Variants in GRIN2A observed in about 807,000 individuals in gnomAD.
GRIN2A encodes glutamate receptor ionotropic, NMDA 2A.
Under a neutral mutation model 113.4 loss-of-function variants are expected in GRIN2A, and 22 were observed. The ratio of observed to expected loss-of-function variants is 0.19; its 90% CI spans 0.14 to 0.28. The LOEUF is 0.28. Among genes scored for constraint, GRIN2A ranks in the 10% least tolerant of loss-of-function variants. GRIN2A has a pLI of 1.00. For synonymous variants in GRIN2A, 827 were observed against 738.4 expected (o/e 1.12, Z -1.94); for missense variants, 1,502 against 1,887.0 (o/e 0.80, Z 3.78).
chr16:9,953,074 A>T (rs2045220985), intron 2 of GRIN2A, among the ~76,000 whole-genome samples: 1 of 152,182 alleles, frequency 6.6e-6, no homozygotes. Context: ...GGAGGGAATG[A>T]ATGAAGGCAG....
rs138690649 is a variant in GRIN2A, at chr16:9,887,543, T to C, written c.1122+3443A>G. ...CATATTACTAGGCCATTCTGTTTTA[T>C]TAATATACCATAATTTGTTCATTCA... is the stretch of plus-strand genomic sequence containing the variant. On this transcript the variant is annotated intron_variant, in intron 4 of 12. Coordinates refer to ENST00000330684, the MANE Select transcript of GRIN2A (RefSeq NM_001134407.3). 2.0e-3 allele frequency among the ~76,000 whole-genome samples: 308 copies of C among 152,370 alleles called. 1 individual carries two copies. The highest frequency in any genetic ancestry group is 3.5e-3 in the Non-Finnish European group (240 of 68,028).
At position 9,761,864 on chromosome 16, in the gene GRIN2A, C is replaced by T. The variant is rs1380683758; in HGVS notation, c.*1285G>A. 4.9e-6 allele frequency: 1 copy of T among 205,540 alleles called. No individual in the cohort carries two copies. The highest frequency in any genetic ancestry group is 6.0e-5 in the Admixed American group (1 of 16,760). 12.7% of individuals were successfully genotyped at this position (205,540 alleles called of 1,614,324 possible). ...GTGCTATGAAGTGGTTTGCCACCAA[C>T]AGAGAGAATAACTCAGAAGGGAGAA... On this transcript the variant is annotated 3_prime_UTR_variant, in exon 13 of 13. Coordinates refer to ENST00000330684, the MANE Select transcript of GRIN2A (RefSeq NM_001134407.3).
At chr16:9,888,185 C>T (rs939413886) in intron 4 of GRIN2A, among the ~76,000 whole-genome samples, 1 of 152,080 alleles carries the variant, frequency 6.6e-6, no homozygotes, top group Non-Finnish European at 1.5e-5. Flanking sequence ...AGGTGGTCCA[C>T]CTGCCTTGGC....
At chr16:9,776,672 G>T (rs778150466) in intron 11 of GRIN2A, among the ~76,000 whole-genome samples, 2 of 152,062 alleles carry the variant, frequency 1.3e-5, no homozygotes, top group Non-Finnish European at 2.9e-5. Context: ...GCTGAAAGAC[G>T]TCAGAAGGTT....
intron 2 of GRIN2A, among the ~76,000 whole-genome samples, chr16:10,095,011 G>T (rs1441024176): frequency 1.3e-5 from 2 of 151,864 alleles, no homozygotes; most frequent in East Asian, 3.9e-4. Context: ...GGTAACTAAG[G>T]TTAAATGAGG....
At chr16:9,829,756 G>T in intron 8 of GRIN2A, 104 bp from the exon 9 acceptor site, 3 of 762,558 alleles carry the variant, frequency 3.9e-6, no homozygotes, top group South Asian at 1.5e-5. Context: ...GTTGCCAGAA[G>T]ATGGAATTAT....
At chr16:10,048,950 T>C (rs1392230910) in intron 2 of GRIN2A, among the ~76,000 whole-genome samples, 1 of 152,226 alleles carries the variant, frequency 6.6e-6, no homozygotes, top group Admixed American at 6.5e-5. Context: ...GGGAGAGATC[T>C]CTCTGGCCCC....
intron 9 of GRIN2A, among the ~76,000 whole-genome samples, chr16:9,828,992 G>A (rs2141310808): frequency 6.6e-6 from 1 of 152,270 alleles, no homozygotes; most frequent in East Asian, 1.9e-4. Flanking sequence ...GCTTAAAGAT[G>A]ACTTTTTTTC....
intron 2 of GRIN2A, among the ~76,000 whole-genome samples, chr16:10,161,062 T>C (rs194357): frequency 0.98 from 149,072 of 152,352 alleles, 73,003 homozygotes; most frequent in East Asian, 1. Flanking sequence ...TGTCCCCACA[T>C]AAATCTCATC....
At position 9,762,334 on chromosome 16, in the gene GRIN2A, C is replaced by A. The variant is rs1266556633; in HGVS notation, c.*815G>T. On this transcript the variant is annotated 3_prime_UTR_variant, in exon 13 of 13. Coordinates refer to ENST00000330684, the MANE Select transcript of GRIN2A (RefSeq NM_001134407.3). ...GGCCACTGTGTCACAGACAGAAGAT[C>A]CACACTTAGATCTCGGAGACATAAA... is the stretch of plus-strand genomic sequence containing the variant. 5 of 226,818 alleles carry A rather than the reference C, an allele frequency of 2.2e-5. No individual in the cohort carries two copies. The highest frequency in any genetic ancestry group is 4.4e-5 in the Non-Finnish European group (5 of 113,802). 14.1% of individuals were successfully genotyped at this position (226,818 alleles called of 1,614,324 possible). A position where few individuals can be genotyped will look rare whatever the true frequency, so the allele number is the denominator to read the frequency against.
At chr16:10,034,984 A>G (rs1942741767) in intron 2 of GRIN2A, among the ~76,000 whole-genome samples, 1 of 152,174 alleles carries the variant, frequency 6.6e-6, no homozygotes, top group Non-Finnish European at 1.5e-5. Context: ...CCTGGCTCAC[A>G]AATCCTTTAC....
intron 2 of GRIN2A, among the ~76,000 whole-genome samples, chr16:10,170,888 A>G (rs1460612526): frequency 6.6e-6 from 1 of 152,028 alleles, no homozygotes; most frequent in African/African-American, 2.4e-5. Context: ...TTTAAAAAAA[A>G]AAAAAAAAAA....
intron 2 of GRIN2A, among the ~76,000 whole-genome samples, chr16:10,175,507 G>C (rs993408790): frequency 6.6e-6 from 1 of 152,210 alleles, no homozygotes; most frequent in Non-Finnish European, 1.5e-5. Flanking sequence ...GATTTGGAGA[G>C]AGATTTTTAT....
chr16:9,988,240 T>A (rs992966673), intron 2 of GRIN2A, among the ~76,000 whole-genome samples: 1 of 151,430 alleles, frequency 6.6e-6, no homozygotes, highest in Non-Finnish European at 1.5e-5. Flanking sequence ...GTGTCTCTCC[T>A]GAACACTGAA....
intron 10 of GRIN2A, among the ~76,000 whole-genome samples, chr16:9,810,344 C>T (rs929071766): frequency 3.9e-5 from 6 of 152,140 alleles, no homozygotes; most frequent in Non-Finnish European, 8.8e-5. Flanking sequence ...GCACTGATGT[C>T]GGATACCTAT....
chr16:10,046,785 G>C (rs1034839995), intron 2 of GRIN2A, among the ~76,000 whole-genome samples: 12 of 152,144 alleles, frequency 7.9e-5, no homozygotes, highest in African/African-American at 1.9e-4. Flanking sequence ...AGTGCTTTGT[G>C]GGTATCATTA....
At chr16:10,102,935 T>C (rs186414143) in intron 2 of GRIN2A, among the ~76,000 whole-genome samples, 10 of 152,306 alleles carry the variant, frequency 6.6e-5, no homozygotes, top group Admixed American at 5.9e-4. Context: ...CTCACAGACA[T>C]GGAGTGGATG....
intron 2 of GRIN2A, among the ~76,000 whole-genome samples, chr16:10,149,505 A>G (rs1399312438): frequency 2.0e-5 from 3 of 152,230 alleles, no homozygotes; most frequent in African/African-American, 7.2e-5. Context: ...CAAATTTTAA[A>G]GTTGATTAAA....
At chr16:9,865,909 G>A (rs563155320) in intron 4 of GRIN2A, among the ~76,000 whole-genome samples, 17 of 152,284 alleles carry the variant, frequency 1.1e-4, no homozygotes, top group African/African-American at 4.1e-4. Context: ...ATTTGAATGT[G>A]AGTGTCCCTA....
Sources: allele counts gnomAD v4.1 joint callset (sites outside exome capture counted in the v4.1 genomes callset), GRCh38; gene constraint gnomAD v4.1.1; transcripts MANE v1.5; gene names NCBI Gene and HGNC (gene_info 2026-07-23, HGNC 2026-07-21).